Variants in C1R observed in about 807,000 individuals in gnomAD.
C1R encodes the protein complement C1r subcomponent.
C1R carries 15 observed loss-of-function variants against 27.6 expected under a neutral mutation model. The ratio of observed to expected loss-of-function variants is 0.54; its 90% confidence interval spans 0.36 to 0.84. The LOEUF (loss-of-function observed/expected upper bound fraction) is 0.84, where lower values mean the gene tolerates loss of function less well. Ranked by LOEUF, C1R falls within the 40% of genes least tolerant of loss-of-function variation. The pLI, the probability that C1R is intolerant of heterozygous loss-of-function variation, is 0.01. For missense variants in C1R, 544 were observed against 577.9 expected, an observed-to-expected ratio of 0.94 and a Z score of 0.60; for synonymous variants, 253 against 228.8, an observed-to-expected ratio of 1.11 and a Z score of -0.95.
chr12:7,081,969 T>G, intron 10 of C1R, 63 bp downstream of exon 10: 1 of 1,392,536 alleles, frequency 7.2e-7, no homozygotes, highest in Non-Finnish European at 9.8e-7. Flanking sequence ...TGGGCCACAC[T>G]GCTTTTGAGG....
chr12:7,088,169 C>T (rs1265933591), intron 7 of C1R, among the ~76,000 whole-genome samples: 4 of 152,158 alleles, frequency 2.6e-5, no homozygotes, highest in Non-Finnish European at 5.9e-5. Context: ...TCAGTTCCTT[C>T]AGCTCTCTTG....
chr12:7,091,669 T>C lies in C1R; in HGVS notation c.14A>G (p.Tyr5Cys). 1.4e-6 allele frequency: 1 copy of C among 738,496 alleles called. No individual in the cohort carries two copies. The highest frequency in any genetic ancestry group is 2.5e-6 in the Non-Finnish European group (1 of 396,220). 45.7% of individuals were successfully genotyped at this position (738,496 alleles called of 1,614,324 possible). The change falls in exon 2 of 11, where the codon TAC (tyrosine) becomes TGC (cysteine). Residue 5 changes from tyrosine (Y) to cysteine (C), a missense_variant. Physicochemically the swap from Tyr to Cys is radical, Grantham distance 194. Around this residue, in one of 2 missense-constraint regions of C1R, gnomAD observed 291 missense variants for 209.0 expected, o/e 1.39. Coordinates refer to ENST00000647956, the MANE Select transcript of C1R (RefSeq NM_001733.7). This position sits in a 1 kb window ranked among gnomAD's most constrained non-coding sequence, Gnocchi z 5.1. The part of the protein sequence containing the change: MWLL[Y>C]LLVPALFCRA... Reference sequence around the variant, plus strand: ...GCAGAACAGGGCCGGCACCAGGAGGTACAAGAGCCACCTGCCAAAACAAAA... The same window carrying C: ...GCAGAACAGGGCCGGCACCAGGAGGCACAAGAGCCACCTGCCAAAACAAAA...
At chr12:7,090,750 C>G (rs1247766682) in intron 2 of C1R, among the ~76,000 whole-genome samples, 3 of 152,160 alleles carry the variant, frequency 2.0e-5, no homozygotes, top group African/African-American at 7.2e-5. Context: ...GGCACTGCCT[C>G]GTCCCTCTTC....
chr12:7,090,004 C>T (rs1481450669), intron 3 of C1R, 52 bp downstream of exon 3: 2 of 717,888 alleles, frequency 2.8e-6, no homozygotes, highest in Non-Finnish European at 2.6e-6. Flanking sequence ...TCTTGGCCCC[C>T]CATTCAATAT....
Position 7,090,210 on chromosome 12 carries a change from C to A in C1R, c.270G>T (p.Gly90=). ...ADKKSLGRFC[G]QLGSPLGNPP... is the part of the protein sequence containing the mutation. ...GGTTGCCCAGTGGAGAACCCAGTTG[C>A]CCACAGAACCTCCCCAGGCTTTTCT... is the stretch of plus-strand genomic sequence containing the variant. Residue 90 remains glycine, a synonymous_variant, in exon 3 of 11, where the codon GGG becomes GGT. Coordinates refer to ENST00000647956, the MANE Select transcript of C1R (RefSeq NM_001733.7). 1 of 744,080 alleles carries A rather than the reference C, an allele frequency of 1.3e-6. No homozygotes were observed. Among genetic ancestry groups the A allele is most frequent in the Non-Finnish European group, 2.5e-6 (1 of 398,312 alleles). The allele number at this position is 744,080 out of a possible 1,614,324, so 46.1% of individuals were successfully genotyped here. A position where few individuals can be genotyped will look rare whatever the true frequency, so the allele number is the denominator to read the frequency against.
At chr12:7,088,335 T>A in intron 7 of C1R, 1 of 653,326 alleles carries the variant, frequency 1.5e-6, no homozygotes, top group Non-Finnish European at 2.8e-6. Context: ...TGCTTATTTT[T>A]ATTTTTCAGA....
intron 7 of C1R, 120 bp downstream of exon 7, chr12:7,088,488 ACT>A: frequency 1.4e-6 from 1 of 714,942 alleles, no homozygotes; most frequent in Non-Finnish European, 2.6e-6. Context: ...GGACCAGGAG[ACT>A]CTTCCAGCTG....
In C1R at chr12:7,088,644, A is replaced by G. The variant is rs751244060; in HGVS notation, c.1004T>C (p.Ile335Thr). ...QPQYQFRDYFIATCKQGYQLI... is the reference protein window; with the variant it reads ...QPQYQFRDYFTATCKQGYQLI... ...CTGGTAGCCTTGCTTGCAGGTAGCAATGAAGTAGTCACGGAACTGGTACTG... is the reference window on the plus strand; with the variant it reads ...CTGGTAGCCTTGCTTGCAGGTAGCAGTGAAGTAGTCACGGAACTGGTACTG... The change falls in exon 7 of 11, where the codon ATT becomes ACT. Residue 335 changes from isoleucine to threonine, a missense_variant. Ile to Thr is a moderately conservative substitution (Grantham distance 89, BLOSUM62 -1). Around this residue, in one of 2 missense-constraint regions of C1R, gnomAD observed 291 missense variants for 209.0 expected, o/e 1.39. Coordinates refer to ENST00000647956, the MANE Select transcript of C1R (RefSeq NM_001733.7). The G allele has an allele frequency of 4.1e-6, 3 of 740,464 alleles. No individual in the cohort carries two copies. Among genetic ancestry groups the G allele is most frequent in the Non-Finnish European group, 7.6e-6 (3 of 396,774 alleles). The allele number at this position is 740,464 out of a possible 1,614,324, so 45.9% of individuals were successfully genotyped here. A position where few individuals can be genotyped will look rare whatever the true frequency, so the allele number is the denominator to read the frequency against.
Position 7,090,431 on chromosome 12 carries a change from A to G in C1R, c.232-183T>C, listed in dbSNP as rs749574236. 4 of 597,784 alleles carry G rather than the reference A, an allele frequency of 6.7e-6. No individual in the cohort carries two copies. The African/African-American group carries it at 7.4e-5, about 11-fold the overall frequency. 37.0% of individuals were successfully genotyped at this position (597,784 alleles called of 1,614,324 possible). ...CCATGTGACTTTCAGCTGTTCCCTG[A>G]GTCTCCCACTGACTCACTCTTTGCG... On this transcript the variant is annotated intron_variant, in intron 2 of 10. Transcript: ENST00000647956.
rs1345569054 is a variant in C1R at position 7,085,792 on chromosome 12, T to C, written c.1273+69A>G. 8 of 398,258 alleles carry C rather than the reference T, an allele frequency of 2.0e-5. No homozygotes were observed. The Admixed American group carries it at 3.5e-4, about 18-fold the overall frequency. 24.7% of individuals were successfully genotyped at this position (398,258 alleles called of 1,614,324 possible). On this transcript the variant is annotated intron_variant, in intron 9 of 10. Coordinates refer to ENST00000647956, the MANE Select transcript of C1R (RefSeq NM_001733.7). ...AATATGCATTCCCTAGGGATTCTAC[T>C]GGGAGAAATCTCAGAGGATACCCCA...
chr12:7,087,470 G>A (rs374590040), intron 7 of C1R: 46 of 154,506 alleles, frequency 3.0e-4, no homozygotes, highest in Middle Eastern at 1.6e-3. Context: ...GAACTAGAAC[G>A]TCTGAGTAAA....
rs777502840 is a variant in C1R, at chr12:7,081,167, G to A, written c.1483C>T (p.Arg495Cys). The stretch of plus-strand genomic sequence containing the variant: ...GTGTGGGCAGCTGTGAGGATCCAGC[G>A]GTCGCCCAGCAGGGCCCCGCCCCCG... ...GRGGGALLGD[R>C]WILTAAHTLY... is the part of the protein sequence containing the mutation. The change falls in exon 11 of 11, where the codon CGC becomes TGC. Residue 495 changes from arginine to cysteine, a missense_variant. Arg to Cys is a radical substitution (Grantham distance 180, BLOSUM62 -3). Coordinates refer to ENST00000647956, the MANE Select transcript of C1R (RefSeq NM_001733.7). The A allele has an allele frequency of 2.5e-6, 4 of 1,613,936 alleles. No homozygotes were observed. Among genetic ancestry groups the A allele is most frequent in the African/African-American group, 1.3e-5 (1 of 75,046 alleles).
At chr12:7,092,074 A>G in intron 1 of C1R, 1 of 577,934 alleles carries the variant, frequency 1.7e-6, no homozygotes, top group East Asian at 2.9e-5. Context: ...CGTCTGGGAG[A>G]AACCATCTGT....
At position 7,080,758 on chromosome 12, in the gene C1R, T is replaced by A; in HGVS notation, c.1892A>T (p.Asp631Val). ...ENWLRGKNRM[D>V]VFSQNMFCAG... The stretch of plus-strand genomic sequence containing the variant: ...ACAGAACATGTTTTGAGAGAACACA[T>A]CCATCCTATTCTTTCCCCGGAGCCA... Residue 631 changes from aspartate to valine, a missense_variant, in exon 11 of 11, where the codon GAT (aspartate) becomes GTT (valine). Physicochemically the swap from Asp to Val is radical, Grantham distance 152 (BLOSUM62 -3). Transcript: ENST00000647956. This position sits in a 1 kb window ranked among gnomAD's most constrained non-coding sequence, Gnocchi z 4.9. 1 of 1,613,966 alleles carries A rather than the reference T, an allele frequency of 6.2e-7. No homozygotes were observed. The highest frequency in any genetic ancestry group is 8.5e-7 in the Non-Finnish European group (1 of 1,179,880).
Position 7,091,759 on chromosome 12 carries a change from T to C in C1R, c.3-79A>G, listed in dbSNP as rs1474155338. The C allele has an allele frequency of 1.5e-5, 11 of 716,332 alleles. No homozygotes were observed. Among genetic ancestry groups the C allele is most frequent in the Non-Finnish European group, 2.6e-5 (10 of 385,036 alleles). The allele number at this position is 716,332 out of a possible 1,614,324, so 44.4% of individuals were successfully genotyped here. On this transcript the variant is annotated intron_variant, in intron 1 of 10. Coordinates refer to ENST00000647956, the MANE Select transcript of C1R (RefSeq NM_001733.7). This position sits in a 1 kb window ranked among gnomAD's most constrained non-coding sequence, Gnocchi z 5.1. ...TGTGGGCAGTGGCTGTGGCAGGGGA[T>C]GAGACGGCCATACCACTGGGCATTC...
Position 7,085,847 on chromosome 12 carries a change from G to A in C1R, c.1273+14C>T, listed in dbSNP as rs936391132. 1.8e-5 allele frequency: 7 copies of A among 398,450 alleles called. No individual in the cohort carries two copies. The highest frequency in any genetic ancestry group is 8.2e-5 in the African/African-American group (4 of 48,606). 24.7% of individuals were successfully genotyped at this position (398,450 alleles called of 1,614,324 possible). On this transcript the variant is annotated intron_variant, in intron 9 of 10. Coordinates refer to ENST00000647956, the MANE Select transcript of C1R (RefSeq NM_001733.7). ...GATGGAAGGGAGGAAATTTCCATTC[G>A]CATTGGTCCCTACCTTGCTCAGACT...
At chr12:7,090,824 T>C (rs1374616014) in intron 2 of C1R, among the ~76,000 whole-genome samples, 1 of 152,118 alleles carries the variant, frequency 6.6e-6, no homozygotes, top group African/African-American at 2.4e-5. Flanking sequence ...CCCCCAACAC[T>C]GCACACTCGC....
intron 7 of C1R, 58 bp downstream of exon 7, chr12:7,088,552 A>G: frequency 1.4e-6 from 1 of 718,602 alleles, no homozygotes; most frequent in South Asian, 1.5e-5. Context: ...TGAACCCACC[A>G]CCTGAATTCC....
Position 7,080,906 on chromosome 12 carries a change from C to A in C1R, c.1744G>T (p.Asp582Tyr), listed in dbSNP as rs370158004. ...ATCAAGCCCAGGTCGTAGAAGGTAT[C>A]GTTGTCAGGGAGGCAGATGGGGAGG... ...NLLPICLPDN[D>Y]TFYDLGLMGY... The change falls in exon 11 of 11, where the codon GAT becomes TAT. Residue 582 changes from aspartate to tyrosine, a missense_variant. Physicochemically the swap from Asp to Tyr is radical, Grantham distance 160. Transcript: ENST00000647956. The surrounding 1 kb of genome is among the most constrained non-coding windows in gnomAD (Gnocchi z 4.9). The A allele has an allele frequency of 6.2e-7, 1 of 1,613,234 alleles. No individual in the cohort carries two copies. The highest frequency in any genetic ancestry group is 8.5e-7 in the Non-Finnish European group (1 of 1,179,338).
Sources: gnomAD v4.1 joint callset for allele counts (sites outside exome capture counted in the v4.1 genomes callset) on GRCh38, gnomAD v4.1.1 for gene constraint, gnomAD v4.1.1 regional missense constraint, Gnocchi (gnomAD v3.1) non-coding constraint, MANE v1.5 for transcripts, NCBI Gene and HGNC (gene_info 2026-07-23, HGNC 2026-07-21) for gene names.